GCKR: variants seen among roughly 807,000 people sequenced by gnomAD.
GCKR encodes the protein glucokinase regulator.
Under a neutral mutation model 82.9 loss-of-function variants are expected in GCKR, and 73 were observed. That is an observed-to-expected ratio of 0.88 (90% CI 0.73 to 1.07). The LOEUF (loss-of-function observed/expected upper bound fraction) is 1.07, where lower values mean the gene tolerates loss of function less well. Ranked by LOEUF, GCKR falls within the 50% of genes least tolerant of loss-of-function variation. GCKR has a pLI of 0.00. For missense variants in GCKR, 784 were observed against 782.1 expected (o/e 1.00, Z -0.03); for synonymous variants, 294 against 291.8 (o/e 1.01, Z -0.08).
At chr2:27,507,540 C>G (rs916379202) in intron 13 of GCKR, 141 bp from the exon 14 acceptor site, 7 of 697,602 alleles carry the variant, frequency 1.0e-5, no homozygotes, top group Non-Finnish European at 1.6e-5. Context: ...TAATCTTGGG[C>G]AAAACACTGT....
At chr2:27,508,304 A>C in intron 16 of GCKR, 53 bp downstream of exon 16, 1 of 1,184,278 alleles carries the variant, frequency 8.4e-7, no homozygotes, top group Admixed American at 1.7e-5. Flanking sequence ...AGGGTGAGGG[A>C]TTCCAAGAAT....
chr2:27,503,369 T>C, intron 8 of GCKR, 145 bp from the exon 9 acceptor site: 1 of 699,864 alleles, frequency 1.4e-6, no homozygotes, highest in Non-Finnish European at 2.7e-6. Flanking sequence ...ACAGTGCCTC[T>C]AAAAGTTCCA....
In GCKR at chr2:27,498,332, C is replaced by A; in HGVS notation, c.354+9C>A. Reference sequence around the variant, plus strand: ...TGGCATTCCTCATGTCGGTGAGCACCCTGGTCTCCAGTTTTCTTCCCCCTC... The same window carrying A: ...TGGCATTCCTCATGTCGGTGAGCACACTGGTCTCCAGTTTTCTTCCCCCTC... On this transcript the variant is annotated intron_variant, in intron 4 of 18. Coordinates refer to ENST00000264717, the MANE Select transcript of GCKR (RefSeq NM_001486.4). 6.2e-7 allele frequency: 1 copy of A among 1,604,970 alleles called. No individual in the cohort carries two copies. Among genetic ancestry groups the A allele is most frequent in the Non-Finnish European group, 8.5e-7 (1 of 1,171,706 alleles).
In GCKR at chr2:27,506,511, G is replaced by A. The variant is rs758962969; in HGVS notation, c.900G>A (p.Glu300=). The A allele has an allele frequency of 8.1e-6, 13 of 1,613,956 alleles. No individual in the cohort carries two copies. Among genetic ancestry groups the A allele is most frequent in the Non-Finnish European group, 9.3e-6 (11 of 1,179,830 alleles). ...TCCTGGAAATCTTGCGGACATTTGA[G>A]CGAGCTCATCAGGTGACCTACAGCC... The part of the protein sequence containing the change: ...RCLLEILRTF[E]RAHQVTYSQS... Residue 300 remains glutamate (E), a synonymous_variant, in exon 11 of 19, where the codon GAG becomes GAA. Transcript: ENST00000264717.
rs900634017 is a variant in GCKR, at chr2:27,507,771, C to T, written c.1234C>T (p.Leu412=). The T allele has an allele frequency of 6.4e-7, 1 of 1,565,898 alleles. No homozygotes were observed. The highest frequency in any genetic ancestry group is 8.8e-7 in the Non-Finnish European group (1 of 1,136,138). The part of the protein sequence containing the change: ...EIDTVVFIFT[L]DDNLTEVQTI... ...CGATACTGTGGTCTTCATTTTCACC[C>T]TGGATGGTGAGAGGGAAGATGGGAG... is the stretch of plus-strand genomic sequence containing the variant. The change falls in exon 14 of 19, where the codon CTG becomes TTG. Residue 412 remains leucine, a synonymous_variant. Coordinates refer to ENST00000264717, the MANE Select transcript of GCKR (RefSeq NM_001486.4).
At position 27,498,292 on chromosome 2, in the gene GCKR, G is replaced by T. The variant is rs1235664612; in HGVS notation, c.323G>T (p.Gly108Val). The change falls in exon 4 of 19, where the codon GGC (glycine) becomes GTC (valine). Residue 108 changes from glycine (G) to valine (V), a missense_variant. Transcript: ENST00000264717. ...DGGLVVLSGG[G>V]TSGRMAFLMS... ...GGGCTGGTTGTGCTGAGTGGAGGGG[G>T]CACCTCTGGCCGGATGGCATTCCTC... 1 of 1,613,564 alleles carries T rather than the reference G, an allele frequency of 6.2e-7. No individual in the cohort carries two copies. The highest frequency in any genetic ancestry group is 1.7e-5 in the Admixed American group (1 of 60,010).
intron 16 of GCKR, among the ~76,000 whole-genome samples, chr2:27,517,740 A>G (rs1019832588): frequency 2.6e-5 from 4 of 152,218 alleles, no homozygotes; most frequent in African/African-American, 7.2e-5. Flanking sequence ...ACAAGATATA[A>G]GGGCCAAAAA....
chr2:27,514,680 A>G (rs1572871869), intron 16 of GCKR, among the ~76,000 whole-genome samples: 1 of 152,240 alleles, frequency 6.6e-6, no homozygotes, highest in African/African-American at 2.4e-5. Context: ...GCTATGATCA[A>G]TCATGATGTA....
At position 27,503,566 on chromosome 2, in the gene GCKR, A is replaced by C; in HGVS notation, c.697A>C (p.Met233Leu). The change falls in exon 9 of 19, where the codon ATG (methionine) becomes CTG (leucine). Residue 233 changes from methionine (M) to leucine (L), a missense_variant. Physicochemically the swap from Met to Leu is conservative, Grantham distance 15. Transcript: ENST00000264717. Reference protein sequence around the residue: ...SSTFRQVAERMQKMQEKQKAF... With the variant: ...SSTFRQVAERLQKMQEKQKAF... ...AACATTCCGACAAGTAGCAGAGCGG[A>C]TGCAGAAAATGCAGGAGAAACAGAA... The C allele has an allele frequency of 6.2e-7, 1 of 1,611,600 alleles. No individual in the cohort carries two copies. Among genetic ancestry groups the C allele is most frequent in the Non-Finnish European group, 8.5e-7 (1 of 1,177,696 alleles).
chr2:27,504,862 C>A (rs1296549337), intron 9 of GCKR, among the ~76,000 whole-genome samples: 3 of 151,926 alleles, frequency 2.0e-5, no homozygotes, highest in African/African-American at 7.2e-5. Flanking sequence ...TGTAGTGGCT[C>A]ACGCCTGTAA....
chr2:27,503,856 C>T (rs773011258), intron 9 of GCKR, among the ~76,000 whole-genome samples: 2 of 152,214 alleles, frequency 1.3e-5, no homozygotes, highest in African/African-American at 4.8e-5. Flanking sequence ...AACACTTCAG[C>T]GGTCTGGGAC....
intron 16 of GCKR, among the ~76,000 whole-genome samples, chr2:27,514,289 AC>A (rs1449258248): frequency 8.6e-5 from 13 of 151,984 alleles, no homozygotes; most frequent in Non-Finnish European, 1.5e-4. Context: ...ATCTATATAT[AC>A]ATCTATATAA....
At chr2:27,497,659 A>G in intron 3 of GCKR, 29 bp downstream of exon 3, 1 of 1,409,952 alleles carries the variant, frequency 7.1e-7, no homozygotes, top group Non-Finnish European at 1.0e-6. Context: ...TTCCCTGCCT[A>G]AACTTTTCTG....
intron 16 of GCKR, among the ~76,000 whole-genome samples, chr2:27,513,464 G>T (rs1669935474): frequency 6.7e-6 from 1 of 150,364 alleles, no homozygotes; most frequent in African/African-American, 2.5e-5. Context: ...GGAGGTAGAG[G>T]TTGCAGTGAG....
chr2:27,505,716 A>G lies in GCKR; in HGVS notation c.751-2A>G, dbSNP rs199507845. 1.7e-5 allele frequency: 27 copies of G among 1,569,300 alleles called. No individual in the cohort carries two copies. In the East Asian group the frequency reaches 6.0e-4, roughly 35 times the overall value. ...TCCTCTTGGGTGTCTTCACCTCTTCAGCCCGAGGGTCTCAGCGGCTCCTCC... is the reference window on the plus strand; with the variant it reads ...TCCTCTTGGGTGTCTTCACCTCTTCGGCCCGAGGGTCTCAGCGGCTCCTCC... On this transcript the variant is annotated splice_acceptor_variant, in intron 9 of 18. Transcript: ENST00000264717. LOFTEE classifies it high-confidence loss of function.
chr2:27,523,197 C>A, intron 18 of GCKR, 72 bp from the exon 19 acceptor site: 1 of 1,362,920 alleles, frequency 7.3e-7, no homozygotes, highest in Non-Finnish European at 1.0e-6. Flanking sequence ...CTGCGCCCGA[C>A]CTTCCTCCGG....
intron 10 of GCKR, 39 bp downstream of exon 10, chr2:27,505,875 C>A: frequency 1.8e-6 from 2 of 1,097,664 alleles, no homozygotes; most frequent in Non-Finnish European, 2.8e-6. Flanking sequence ...CAGAGTCAGG[C>A]GAGTGTGAGA....
chr2:27,508,227 T>C lies in GCKR; in HGVS notation c.1398T>C (p.Phe466=). The C allele has an allele frequency of 6.2e-7, 1 of 1,609,666 alleles. No homozygotes were observed. The highest frequency in any genetic ancestry group is 8.5e-7 in the Non-Finnish European group (1 of 1,175,936). Residue 466 remains phenylalanine (F), a synonymous_variant, in exon 16 of 19, where the codon TTT becomes TTC. Transcript: ENST00000264717. The stretch of plus-strand genomic sequence containing the variant: ...GCATCACATGGCCACTGCTTTTCTT[T>C]GAATATGAAGGGAACTTCATCCAGG... ...IISITWPLLF[F]EYEGNFIQKF...
chr2:27,507,631 G>A (rs570837638), intron 13 of GCKR, 50 bp from the exon 14 acceptor site: 6 of 980,558 alleles, frequency 6.1e-6, no homozygotes, highest in Non-Finnish European at 1.0e-5. Context: ...TCAAGTCTGT[G>A]CTTTAGAGTG....
Sources: allele counts gnomAD v4.1 joint callset (sites outside exome capture counted in the v4.1 genomes callset), GRCh38; gene constraint gnomAD v4.1.1; transcripts MANE v1.5; gene names NCBI Gene and HGNC (gene_info 2026-07-23, HGNC 2026-07-21).